The following CACNA1E variants were observed in gnomAD, a reference collection of about 807,000 sequenced individuals.
The protein encoded by CACNA1E is voltage-dependent R-type calcium channel subunit alpha-1E.
In CACNA1E, 40 loss-of-function variants were observed where a neutral mutation model predicts 259.2. That is an observed-to-expected ratio of 0.15 (90% CI 0.12 to 0.20). The LOEUF is 0.20. Ranked by LOEUF, CACNA1E falls within the 10% of genes least tolerant of loss-of-function variation. The probability of loss-of-function intolerance (pLI) is 1.00; values close to 1 mark genes in which losing one functional copy is unlikely to be tolerated. For synonymous variants in CACNA1E, 1,104 were observed against 1,138.5 expected (o/e 0.97, Z 0.61); for missense variants, 1,874 against 3,040.1 (o/e 0.62, Z 9.02).
At chr1:181,550,271 G>T (rs1252286933) in intron 3 of CACNA1E, among the ~76,000 whole-genome samples, 3 of 152,098 alleles carry the variant, frequency 2.0e-5, no homozygotes, top group Non-Finnish European at 4.4e-5. Context: ...TGGATGAGGA[G>T]CAGTCTGGTA....
At chr1:181,396,663 G>A (rs923431710) in intron 1 of CACNA1E, among the ~76,000 whole-genome samples, 4 of 152,194 alleles carry the variant, frequency 2.6e-5, no homozygotes, top group Admixed American at 6.5e-5. Context: ...AATTGATGAC[G>A]CAGAAGAGAA....
At chr1:181,514,262 G>A (rs1226111143) in intron 3 of CACNA1E, among the ~76,000 whole-genome samples, 1 of 152,206 alleles carries the variant, frequency 6.6e-6, no homozygotes, top group Non-Finnish European at 1.5e-5. Flanking sequence ...TTAATTGACA[G>A]CATGTTTTTC....
At chr1:181,515,552 A>G (rs558846184) in intron 3 of CACNA1E, among the ~76,000 whole-genome samples, 1 of 152,280 alleles carries the variant, frequency 6.6e-6, no homozygotes, top group African/African-American at 2.4e-5. Flanking sequence ...CATTCTTTTA[A>G]CACATTCTTA....
At chr1:181,733,184 C>A in intron 20 of CACNA1E, 150 bp downstream of exon 20, 1 of 1,267,102 alleles carries the variant, frequency 7.9e-7, no homozygotes, top group Non-Finnish European at 1.1e-6. Context: ...ATAAATATAA[C>A]AGGCAGTGGG....
chr1:181,404,530 A>C (rs1475194367), intron 1 of CACNA1E, among the ~76,000 whole-genome samples: 1 of 152,244 alleles, frequency 6.6e-6, no homozygotes, highest in Non-Finnish European at 1.5e-5. Context: ...ATATGTAGTA[A>C]ATGACCAGAA....
rs117085517 is a variant in CACNA1E at position 181,742,195 on chromosome 1, G to A, written c.3719+2942G>A. Among the ~76,000 whole-genome samples the A allele has an allele frequency of 4.6e-5, 7 of 152,078 alleles. No homozygotes were observed. In the East Asian group the frequency reaches 9.7e-4, roughly 21 times the overall value. On this transcript the variant is annotated intron_variant, in intron 25 of 47. Transcript: ENST00000367573. ...TGCCCTGTTCCTTTCCTCATTAATC[G>A]TACCAGAGAATTCAGCTCTCCCATC...
At chr1:181,671,317 C>T (rs541311566) in intron 7 of CACNA1E, among the ~76,000 whole-genome samples, 31 of 152,300 alleles carry the variant, frequency 2.0e-4, no homozygotes, top group African/African-American at 6.7e-4. Flanking sequence ...TGATCTACTG[C>T]GTCCAGCCAC....
chr1:181,507,862 A>G (rs913735190), intron 1 of CACNA1E, among the ~76,000 whole-genome samples: 2 of 152,154 alleles, frequency 1.3e-5, no homozygotes, highest in African/African-American at 4.8e-5. Flanking sequence ...CTGAAATTGC[A>G]TGAGACGTTT....
intron 1 of CACNA1E, among the ~76,000 whole-genome samples, chr1:181,360,581 G>A (rs1653792683): frequency 6.6e-6 from 1 of 152,250 alleles, no homozygotes; most frequent in East Asian, 1.9e-4. Flanking sequence ...GGGGAGAATT[G>A]GGAGTGACTA....
chr1:181,466,538 A>T (rs1558025937), intron 2 of CACNA1E, among the ~76,000 whole-genome samples: 1 of 145,902 alleles, frequency 6.9e-6, no homozygotes, highest in Non-Finnish European at 1.5e-5. Context: ...AAAGAGCGAG[A>T]CTCTGTCTTA....
rs769996689 is a variant in CACNA1E at position 181,720,352 on chromosome 1, G to A, written c.1883+15G>A. The stretch of plus-strand genomic sequence containing the variant: ...TTTGGAGGCAGGTAAGTGCCCAGAA[G>A]CTTTCCATCCAAAGGAGGCTCAAAA... On this transcript the variant is annotated intron_variant, in intron 14 of 47. Coordinates refer to ENST00000367573, the MANE Select transcript of CACNA1E (RefSeq NM_001205293.3). 2 of 1,609,440 alleles carry A rather than the reference G, an allele frequency of 1.2e-6. No individual in the cohort carries two copies. Among genetic ancestry groups the A allele is most frequent in the Non-Finnish European group, 1.7e-6 (2 of 1,178,138 alleles).
At chr1:181,527,695 T>C (rs944278799) in intron 3 of CACNA1E, among the ~76,000 whole-genome samples, 7 of 152,186 alleles carry the variant, frequency 4.6e-5, no homozygotes, top group African/African-American at 1.4e-4. Context: ...CTTCAGTAAA[T>C]AGATCCTCTT....
intron 1 of CACNA1E, among the ~76,000 whole-genome samples, chr1:181,346,087 C>T (rs973571976): frequency 9.9e-5 from 15 of 152,164 alleles, no homozygotes; most frequent in African/African-American, 1.7e-4. Context: ...GCTGAAGGGG[C>T]GCAGCAGGAC....
chr1:181,714,252 C>T (rs1405033419), intron 8 of CACNA1E, among the ~76,000 whole-genome samples: 1 of 152,116 alleles, frequency 6.6e-6, no homozygotes, highest in East Asian at 1.9e-4. Flanking sequence ...GAATGACTCA[C>T]AGAACTTTGG....
At chr1:181,550,744 T>C (rs974647917) in intron 3 of CACNA1E, among the ~76,000 whole-genome samples, 2 of 151,674 alleles carry the variant, frequency 1.3e-5, no homozygotes, top group Non-Finnish European at 2.9e-5. Context: ...CAGACAGTAA[T>C]GTACTGGAAT....
chr1:181,536,439 C>T lies in CACNA1E; in HGVS notation c.512+24929C>T, dbSNP rs554795575. 3.3e-5 allele frequency among the ~76,000 whole-genome samples: 5 copies of T among 152,262 alleles called. No individual in the cohort carries two copies. In the East Asian group the frequency reaches 5.8e-4, roughly 18 times the overall value. On this transcript the variant is annotated intron_variant, in intron 3 of 47. Transcript: ENST00000367573. ...AATCATTTTAAAAGTTTTCAGTTAT[C>T]GAAATGTTCAATTGCACCATCTCTA...
chr1:181,591,560 T>C (rs1652646594), intron 6 of CACNA1E, among the ~76,000 whole-genome samples: 4 of 151,920 alleles, frequency 2.6e-5, no homozygotes, highest in African/African-American at 9.7e-5. Flanking sequence ...TTATTATGAA[T>C]ATATTTATAT....
chr1:181,345,311 G>C (rs892793572), intron 1 of CACNA1E, among the ~76,000 whole-genome samples: 4 of 152,214 alleles, frequency 2.6e-5, no homozygotes, highest in African/African-American at 4.8e-5. Context: ...ACAGACCCTG[G>C]GGTGAGATGA....
intron 2 of CACNA1E, among the ~76,000 whole-genome samples, chr1:181,421,876 G>A (rs1033503348): frequency 2.6e-5 from 4 of 152,168 alleles, no homozygotes; most frequent in Non-Finnish European, 4.4e-5. Context: ...ATAAGAGAAT[G>A]TGATCTATTG....
Sources: gnomAD v4.1 joint callset for allele counts (sites outside exome capture counted in the v4.1 genomes callset) on GRCh38, gnomAD v4.1.1 for gene constraint, MANE v1.5 for transcripts, NCBI Gene and HGNC (gene_info 2026-07-23, HGNC 2026-07-21) for gene names.